ZFYVE28: variants seen among roughly 807,000 people sequenced by gnomAD.
ZFYVE28 encodes the protein lateral signaling target protein 2 homolog.
ZFYVE28 carries 40 observed loss-of-function variants against 82.1 expected under a neutral mutation model. The ratio of observed to expected loss-of-function variants is 0.49; its 90% CI spans 0.38 to 0.63. The LOEUF (loss-of-function observed/expected upper bound fraction) is 0.63. Among genes scored for constraint, ZFYVE28 ranks in the 30% least tolerant of loss-of-function variants. The probability of loss-of-function intolerance (pLI) is 0.00; values close to 1 mark genes in which losing one functional copy is unlikely to be tolerated. For synonymous variants in ZFYVE28, 612 were observed against 546.1 expected (o/e 1.12, Z -1.68); for missense variants, 1,321 against 1,242.1 (o/e 1.06, Z -0.96).
intron 8 of ZFYVE28, among the ~76,000 whole-genome samples, chr4:2,301,909 C>T (rs935650709): frequency 3.9e-5 from 6 of 152,292 alleles, no homozygotes; most frequent in South Asian, 2.1e-4. Context: ...AGAGGCTGTT[C>T]GCGCGAGGCT....
chr4:2,335,908 G>C lies in ZFYVE28; in HGVS notation c.612-114C>G. ...ATCTGTACCTGCAGCCACGCGTGGT[G>C]GCCACGTCAAGAGGTGACACATGCC... On this transcript the variant is annotated intron_variant, in intron 5 of 12. Coordinates refer to ENST00000290974, the MANE Select transcript of ZFYVE28 (RefSeq NM_020972.3). This position sits in a 1 kb window ranked among gnomAD's most constrained non-coding sequence, Gnocchi z 5.8. 1 of 837,252 alleles carries C rather than the reference G, an allele frequency of 1.2e-6. No homozygotes were observed. The highest frequency in any genetic ancestry group is 1.9e-6 in the Non-Finnish European group (1 of 514,884). The allele number at this position is 837,252 out of a possible 1,614,324, so 51.9% of individuals were successfully genotyped here.
rs1487778041 is a variant in ZFYVE28, at chr4:2,394,952, G to T, written c.39+23333C>A. Among the ~76,000 whole-genome samples, 1 of 152,196 alleles carries T rather than the reference G, an allele frequency of 6.6e-6. No homozygotes were observed. Among genetic ancestry groups the T allele is most frequent in the East Asian group, 1.9e-4 (1 of 5,198 alleles). The stretch of plus-strand genomic sequence containing the variant: ...GATGCTCTCTCACTTCCCATTAAAA[G>T]TCCCACCACATTAAGCCAGGAGAAG... On this transcript the variant is annotated intron_variant, in intron 1 of 12. Transcript: ENST00000290974. The surrounding 1 kb of genome is among the most constrained non-coding windows in gnomAD (Gnocchi z 4.0).
At position 2,320,127 on chromosome 4, in the gene ZFYVE28, C is replaced by T. The variant is rs200166079; in HGVS notation, c.803+43G>A. 8 of 1,589,502 alleles carry T rather than the reference C, an allele frequency of 5.0e-6. No individual in the cohort carries two copies. The South Asian group carries it at 6.7e-5, about 13-fold the overall frequency. ...ACTTCAGCGCCCACCTGTGGCCCTC[C>T]TGTCCCCCTCCCCTCCCCCACCTCC... On this transcript the variant is annotated intron_variant, in intron 7 of 12. Transcript: ENST00000290974. This position sits in a 1 kb window ranked among gnomAD's most constrained non-coding sequence, Gnocchi z 5.1.
In ZFYVE28 at chr4:2,269,743, G is replaced by A. The variant is rs1039533669; in HGVS notation, c.*982C>T. ...TGCATATGTACTCCACCAGTAAACA[G>A]TAATTAGATTTATCCTAGAAAAGAA... On this transcript the variant is annotated 3_prime_UTR_variant, in exon 13 of 13. Coordinates refer to ENST00000290974, the MANE Select transcript of ZFYVE28 (RefSeq NM_020972.3). 1 of 152,210 alleles carries A rather than the reference G, an allele frequency of 6.6e-6. No homozygotes were observed. The highest frequency in any genetic ancestry group is 1.5e-5 in the Non-Finnish European group (1 of 68,056). 9.4% of individuals were successfully genotyped at this position (152,210 alleles called of 1,614,324 possible).
At chr4:2,407,718 G>A (rs2108682875) in intron 1 of ZFYVE28, among the ~76,000 whole-genome samples, 1 of 152,288 alleles carries the variant, frequency 6.6e-6, no homozygotes, top group East Asian at 1.9e-4. Context: ...AGCCTCCCGA[G>A]TAGCTGGGAT....
intron 1 of ZFYVE28, among the ~76,000 whole-genome samples, chr4:2,375,842 T>A (rs921292619): frequency 9.2e-5 from 14 of 152,140 alleles, no homozygotes; most frequent in Admixed American, 2.0e-4. Flanking sequence ...AGTTTTCATA[T>A]TGATTATATG....
intron 8 of ZFYVE28, among the ~76,000 whole-genome samples, chr4:2,299,259 T>C (rs533800646): frequency 5.9e-5 from 9 of 151,974 alleles, no homozygotes; most frequent in Non-Finnish European, 1.3e-4. Context: ...AGGTTGGCAG[T>C]GATCAGAGGG....
At chr4:2,302,945 G>T (rs1037218778) in intron 8 of ZFYVE28, among the ~76,000 whole-genome samples, 2 of 152,176 alleles carry the variant, frequency 1.3e-5, no homozygotes, top group Non-Finnish European at 2.9e-5. Flanking sequence ...CCTTCAAAAC[G>T]CGGAGGACGG....
In ZFYVE28 at chr4:2,355,976, G is replaced by A. The variant is rs536711321; in HGVS notation, c.40-1903C>T. 8.3e-4 allele frequency among the ~76,000 whole-genome samples: 127 copies of A among 152,358 alleles called. 1 individual carries two copies. The highest frequency in any genetic ancestry group is 3.4e-3 in the Middle Eastern group (1 of 294). On this transcript the variant is annotated intron_variant, in intron 1 of 12. Transcript: ENST00000290974. The stretch of plus-strand genomic sequence containing the variant: ...CGCGCACAGTTCGAATGCGCTGGCC[G>A]TGTTCCCCACAGACTCCCATCTCCG...
chr4:2,337,733 T>C (rs1722077226), intron 4 of ZFYVE28, among the ~76,000 whole-genome samples: 1 of 152,084 alleles, frequency 6.6e-6, no homozygotes, highest in African/African-American at 2.4e-5. Flanking sequence ...TCGGGTGTGG[T>C]GGTGGCAGGC....
chr4:2,380,939 A>C (rs1332679603), intron 1 of ZFYVE28, among the ~76,000 whole-genome samples: 1 of 152,216 alleles, frequency 6.6e-6, no homozygotes, highest in Non-Finnish European at 1.5e-5. Context: ...AATTGGTACC[A>C]GTACAGTGGG....
rs979769517 is a variant in ZFYVE28, at chr4:2,409,767, C to A, written c.39+8518G>T. On this transcript the variant is annotated intron_variant, in intron 1 of 12. Transcript: ENST00000290974. The surrounding 1 kb of genome is among the most constrained non-coding windows in gnomAD (Gnocchi z 4.4). ...TGAGAAATTTGTCAGAACTACCCAA[C>A]CACGATCAATCCCAGACACAGAACT... is the stretch of plus-strand genomic sequence containing the variant. Among the ~76,000 whole-genome samples the A allele has an allele frequency of 6.6e-6, 1 of 152,232 alleles. No individual in the cohort carries two copies. Among genetic ancestry groups the A allele is most frequent in the African/African-American group, 2.4e-5 (1 of 41,458 alleles).
chr4:2,335,297 CG>C lies in ZFYVE28; in HGVS notation c.701+407del, dbSNP rs564682958. On this transcript the variant is annotated intron_variant, in intron 6 of 12. Coordinates refer to ENST00000290974, the MANE Select transcript of ZFYVE28 (RefSeq NM_020972.3). The surrounding 1 kb of genome is among the most constrained non-coding windows in gnomAD (Gnocchi z 5.8). ...GCCAATCACAGCCTCCTGAGGGACC[CG>C]GGGGGCAGCTCGTCCTCTTGTTACC... is the stretch of plus-strand genomic sequence containing the variant. Among the ~76,000 whole-genome samples the C allele has an allele frequency of 1.3e-5, 2 of 152,088 alleles. No homozygotes were observed. The highest frequency in any genetic ancestry group is 2.1e-4 in the South Asian group (1 of 4,824).
chr4:2,305,611 G>T, intron 7 of ZFYVE28, 75 bp from the exon 8 acceptor site: 1 of 1,548,436 alleles, frequency 6.5e-7, no homozygotes, highest in South Asian at 1.2e-5. Context: ...AGTGGACGCA[G>T]CACCCTGGAG....
At chr4:2,353,151 CCACA>C (rs1475098775) in intron 2 of ZFYVE28, among the ~76,000 whole-genome samples, 1 of 152,226 alleles carries the variant, frequency 6.6e-6, no homozygotes, top group Non-Finnish European at 1.5e-5. Flanking sequence ...GTTGTCCTGG[CCACA>C]CACAGGGCCC....
Position 2,304,663 on chromosome 4 carries a change from G to A in ZFYVE28, c.1677C>T (p.Cys559=), listed in dbSNP as rs1420746007. Residue 559 remains cysteine, a synonymous_variant, in exon 8 of 13, where the codon TGC becomes TGT. Transcript: ENST00000290974. ...PHKLSTGATN[C]LLHSCVCCGS... ...CACAGCACACGCAGGAATGCAGAAG[G>A]CAGTTGGTGGCCCCAGTGCTAAGCT... 6.2e-7 allele frequency: 1 copy of A among 1,612,490 alleles called. No homozygotes were observed. The highest frequency in any genetic ancestry group is 8.5e-7 in the Non-Finnish European group (1 of 1,179,886).
intron 1 of ZFYVE28, among the ~76,000 whole-genome samples, chr4:2,415,451 T>TACACACACACACACACAC (rs58420760): frequency 0.015 from 2,248 of 147,236 alleles, 56 homozygotes; most frequent in African/African-American, 0.047. Flanking sequence ...ACCCTGTCTC[T>TACACACACACACACACAC]ACACACACAC....
chr4:2,370,785 C>T (rs1483449619), intron 1 of ZFYVE28, among the ~76,000 whole-genome samples: 1 of 152,222 alleles, frequency 6.6e-6, no homozygotes, highest in Non-Finnish European at 1.5e-5. Flanking sequence ...TTGCACACCA[C>T]ATCCCTCGCC....
chr4:2,401,990 C>T (rs934060235), intron 1 of ZFYVE28, among the ~76,000 whole-genome samples: 10 of 152,228 alleles, frequency 6.6e-5, no homozygotes, highest in East Asian at 1.9e-4. Context: ...GGGCAGCTCA[C>T]GACGACCCTG....
Sources: gnomAD v4.1 joint callset for allele counts (sites outside exome capture counted in the v4.1 genomes callset) on GRCh38, gnomAD v4.1.1 for gene constraint, Gnocchi (gnomAD v3.1) non-coding constraint, MANE v1.5 for transcripts, NCBI Gene and HGNC (gene_info 2026-07-23, HGNC 2026-07-21) for gene names.